Variants in ARSD observed in about 807,000 individuals in gnomAD.
ARSD encodes the protein arylsulfatase D, also known as testis tissue sperm-binding protein Li 39a.
Under a neutral mutation model 32.6 loss-of-function variants are expected in ARSD, and 21 were observed. The observed-to-expected ratio is 0.64, with a 90% CI of 0.46 to 0.93. ARSD has a LOEUF of 0.93. Among genes scored for constraint, ARSD ranks in the 40% least tolerant of loss-of-function variants. The probability of loss-of-function intolerance (pLI) is 0.00; values close to 1 mark genes in which losing one functional copy is unlikely to be tolerated. For synonymous variants in ARSD, 224 were observed against 237.4 expected (o/e 0.94, Z 0.52); for missense variants, 454 against 520.9 (o/e 0.87, Z 1.25).
At position 2,924,394 on chromosome X, in the gene ARSD, C is replaced by T. The variant is rs1223333077; in HGVS notation, c.194+1222G>A. 2.6e-5 allele frequency among the ~76,000 whole-genome samples: 3 copies of T among 113,719 alleles called. No homozygotes were observed. The Admixed American group carries it at 2.8e-4, about 10-fold the overall frequency. On this transcript the variant is annotated intron_variant, in intron 2 of 9. Coordinates refer to ENST00000381154, the MANE Select transcript of ARSD (RefSeq NM_001669.4). ...CACTGCAAAGAAGGGAGGCCCTGCT[C>T]TGCGGGGACCGCTCCTGAGGTTGGC...
Position 2,904,005 on chromosome X carries a change from T to C in ARSD, c.*3266A>G, listed in dbSNP as rs1435241277. On this transcript the variant is annotated 3_prime_UTR_variant, in exon 10 of 10. Coordinates refer to ENST00000381154, the MANE Select transcript of ARSD (RefSeq NM_001669.4). The stretch of plus-strand genomic sequence containing the variant: ...TTTGTCACATTTTATTCAGTATTTC[T>C]GCTGCACTGCCAGCCTAGGGATGCA... 8.9e-6 allele frequency: 1 copy of C among 111,766 alleles called. No individual in the cohort carries two copies. Among genetic ancestry groups the C allele is most frequent in the Non-Finnish European group, 1.9e-5 (1 of 53,192 alleles). The allele number at this position is 111,766 out of a possible 1,213,427, so 9.2% of individuals were successfully genotyped here.
chrX:2,908,578 A>G (rs1199600981), intron 9 of ARSD, 143 bp downstream of exon 9: 4 of 380,628 alleles, frequency 1.1e-5, no homozygotes, highest in Non-Finnish European at 1.5e-5. Context: ...CGGTTTATCT[A>G]TCTCTATTTC....
intron 5 of ARSD, among the ~76,000 whole-genome samples, chrX:2,917,003 T>G (rs2088967277): frequency 1.1e-5 from 1 of 93,585 alleles, no homozygotes; most frequent in African/African-American, 4.1e-5. Flanking sequence ...AAGGCAGAGG[T>G]GGGAGGATGG....
In ARSD at chrX:2,929,123, T is replaced by G. The variant is rs183687877; in HGVS notation, c.44+109A>C. On this transcript the variant is annotated intron_variant, in intron 1 of 9. Transcript: ENST00000381154. ...CAAGGCGCCGGACACAACCACGCCC[T>G]TTACAGGGGCCCAGGCTCGCCCGGG... 5,415 of 789,275 alleles carry G rather than the reference T, an allele frequency of 6.9e-3. 220 individuals carry two copies. The African/African-American group carries it at 0.11, about 16-fold the overall frequency. 65.0% of individuals were successfully genotyped at this position (789,275 alleles called of 1,213,427 possible).
At chrX:2,927,021 C>T (rs5982616) in intron 1 of ARSD, among the ~76,000 whole-genome samples, 10,439 of 103,479 alleles carry the variant, frequency 0.1, 1,421 homozygotes, top group African/African-American at 0.34. Context: ...GGGGACACGG[C>T]TCTACTGGGG....
chrX:2,927,240 CT>C (rs11403125), intron 1 of ARSD, among the ~76,000 whole-genome samples: 1 of 100,649 alleles, frequency 9.9e-6, no homozygotes, highest in Non-Finnish European at 2.0e-5. Context: ...CCTAACTTTC[CT>C]TTTTTTTTTA....
intron 1 of ARSD, among the ~76,000 whole-genome samples, chrX:2,927,106 C>T (rs1023764867): frequency 2.7e-4 from 29 of 109,399 alleles, no homozygotes; most frequent in African/African-American, 3.3e-4. Context: ...GGGGACAGGA[C>T]GGGGCGTGTC....
intron 2 of ARSD, among the ~76,000 whole-genome samples, chrX:2,923,826 G>A (rs2089054898): frequency 8.9e-6 from 1 of 112,415 alleles, no homozygotes; most frequent in Admixed American, 9.4e-5. Flanking sequence ...TTCGCTCCTC[G>A]CTGGAGGTGA....
intron 4 of ARSD, among the ~76,000 whole-genome samples, chrX:2,920,062 G>A (rs1277780191): frequency 9.0e-6 from 1 of 111,430 alleles, no homozygotes; most frequent in Admixed American, 9.6e-5. Flanking sequence ...TATAAAGAGG[G>A]TGTTCTGCCC....
In ARSD at chrX:2,910,701, C is replaced by T; in HGVS notation, c.1093G>A (p.Asp365Asn). The change falls in exon 7 of 10, where the codon GAT (aspartate) becomes AAT (asparagine). Residue 365 changes from aspartate (D) to asparagine (N), a missense_variant. Asp to Asn is a conservative substitution (Grantham distance 23). Coordinates refer to ENST00000381154, the MANE Select transcript of ARSD (RefSeq NM_001669.4). ...CATCCCCCTAACTGGCTGTGTCCAT[C>T]TCTTGCCTCTAAATGTCCTCCATGG... ...SDHGGHLEAR[D>N]GHSQLGGWNG... The T allele has an allele frequency of 8.3e-7, 1 of 1,212,040 alleles. No individual in the cohort carries two copies. The highest frequency in any genetic ancestry group is 1.1e-6 in the Non-Finnish European group (1 of 895,513).
At chrX:2,927,932 T>G (rs1241882917) in intron 1 of ARSD, among the ~76,000 whole-genome samples, 4 of 111,940 alleles carry the variant, frequency 3.6e-5, no homozygotes, top group African/African-American at 1.3e-4. Flanking sequence ...CCCAAGAAGA[T>G]TATGTACCCG....
Position 2,922,028 on chromosome X carries a change from A to G in ARSD, c.195-4T>C, listed in dbSNP as rs1326425855. ...AAGCTGGTCAATATTCGGCGTTCTGAGCAAAGCACACAAATGTCATTGTTG... is the reference window on the plus strand; with the variant it reads ...AAGCTGGTCAATATTCGGCGTTCTGGGCAAAGCACACAAATGTCATTGTTG... On this transcript the variant is annotated splice_region_variant and splice_polypyrimidine_tract_variant and intron_variant, in intron 2 of 9. Transcript: ENST00000381154. The G allele has an allele frequency of 3.3e-6, 4 of 1,195,727 alleles. No homozygotes were observed. Among genetic ancestry groups the G allele is most frequent in the South Asian group, 3.6e-5 (2 of 55,125 alleles).
At chrX:2,920,054 T>C (rs1209462176) in intron 4 of ARSD, among the ~76,000 whole-genome samples, 2 of 111,426 alleles carry the variant, frequency 1.8e-5, no homozygotes, top group East Asian at 5.7e-4. Context: ...CTGTCTGTTA[T>C]AAAGAGGGTG....
intron 8 of ARSD, among the ~76,000 whole-genome samples, chrX:2,909,476 T>G (rs1178949054): frequency 9.0e-6 from 1 of 111,030 alleles, no homozygotes; most frequent in Non-Finnish European, 1.9e-5. Flanking sequence ...CATGAGCCAT[T>G]GCATCCGACC....
At chrX:2,913,618 A>C in intron 6 of ARSD, 1 of 1,007,437 alleles carries the variant, frequency 9.9e-7, no homozygotes, top group South Asian at 1.9e-5. Flanking sequence ...GGTCCTCTCC[A>C]GGGTTTCTTC....
intron 2 of ARSD, among the ~76,000 whole-genome samples, chrX:2,924,216 T>C (rs936537599): frequency 8.8e-6 from 1 of 113,150 alleles, no homozygotes; most frequent in African/African-American, 3.2e-5. Flanking sequence ...GTATGTTTCA[T>C]AGAGACAGGG....
intron 9 of ARSD, 87 bp downstream of exon 9, chrX:2,908,629 TTCATC>T: frequency 1.1e-6 from 1 of 878,205 alleles, no homozygotes; most frequent in Non-Finnish European, 1.5e-6. Context: ...CATCCATCCA[TTCATC>T]CATCCATCCA....
rs757626350 is a variant in ARSD at position 2,909,909 on chromosome X, G to A, written c.1206C>T (p.Leu402=). ...VPGIFHWPGV[L]PAGRVIGEPT... The stretch of plus-strand genomic sequence containing the variant: ...GCTCTCCAATCACTCGGCCGGCCGG[G>A]AGCACCCCCGGCCAGTGGAAGATCC... Residue 402 remains leucine, a synonymous_variant, in exon 8 of 10, where the codon CTC becomes CTT. Coordinates refer to ENST00000381154, the MANE Select transcript of ARSD (RefSeq NM_001669.4). 3 of 1,210,662 alleles carry A rather than the reference G, an allele frequency of 2.5e-6. No individual in the cohort carries two copies. The highest frequency in any genetic ancestry group is 2.2e-5 in the Admixed American group (1 of 45,881).
chrX:2,912,978 C>T (rs1305900280), intron 6 of ARSD, among the ~76,000 whole-genome samples: 1 of 112,201 alleles, frequency 8.9e-6, no homozygotes, highest in Non-Finnish European at 1.9e-5. Flanking sequence ...TGAGGCGGGT[C>T]TCAATCCATT....
Sources: gnomAD v4.1 joint callset for allele counts (sites outside exome capture counted in the v4.1 genomes callset) on GRCh38, gnomAD v4.1.1 for gene constraint, MANE v1.5 for transcripts, NCBI Gene and HGNC (gene_info 2026-07-23, HGNC 2026-07-21) for gene names.